The following PRSS12 variants were observed in gnomAD, a reference collection of about 807,000 sequenced individuals.
PRSS12 encodes neurotrypsin.
A neutral mutation model predicts 104.4 loss-of-function variants in PRSS12; 85 were observed. The ratio of observed to expected loss-of-function variants is 0.81; its 90% CI spans 0.68 to 0.98. The LOEUF (loss-of-function observed/expected upper bound fraction) is 0.98, where lower values mean the gene tolerates loss of function less well. Ranked by LOEUF, PRSS12 falls within the 50% of genes least tolerant of loss-of-function variation. The pLI is 0.00. For synonymous variants in PRSS12, 454 were observed against 425.2 expected (o/e 1.07, Z -0.83); for missense variants, 1,141 against 1,139.2 (o/e 1.00, Z -0.02).
chr4:118,339,161 T>C (rs139555408), intron 1 of PRSS12, among the ~76,000 whole-genome samples: 77 of 152,232 alleles, frequency 5.1e-4, no homozygotes, highest in African/African-American at 1.3e-3. Context: ...CCTCTTCTCA[T>C]TGGGACTGGT....
chr4:118,343,600 T>A (rs1453857026), intron 1 of PRSS12, among the ~76,000 whole-genome samples: 1 of 151,996 alleles, frequency 6.6e-6, no homozygotes, highest in Non-Finnish European at 1.5e-5. Context: ...CTACAAAAAA[T>A]TTTAAAATTA....
At chr4:118,315,602 C>T (rs1156474637) in intron 6 of PRSS12, among the ~76,000 whole-genome samples, 4 of 152,138 alleles carry the variant, frequency 2.6e-5, no homozygotes, top group African/African-American at 4.8e-5. Context: ...GCAGTTACTT[C>T]GACCAACTTA....
chr4:118,332,371 C>T (rs1578932865), intron 3 of PRSS12, among the ~76,000 whole-genome samples: 1 of 152,252 alleles, frequency 6.6e-6, no homozygotes, highest in Non-Finnish European at 1.5e-5. Flanking sequence ...GACATCATGG[C>T]CAGTACCTCA....
intron 1 of PRSS12, among the ~76,000 whole-genome samples, chr4:118,345,059 T>C (rs1346431983): frequency 6.6e-6 from 1 of 152,088 alleles, no homozygotes; most frequent in East Asian, 1.9e-4. Flanking sequence ...ACCCAGAAAA[T>C]GGCTGTCCTC....
intron 11 of PRSS12, among the ~76,000 whole-genome samples, chr4:118,286,555 T>C (rs1302233139): frequency 6.6e-6 from 1 of 152,204 alleles, no homozygotes; most frequent in Non-Finnish European, 1.5e-5. Flanking sequence ...TAAAGGCTTT[T>C]CAAGGGCAAG....
chr4:118,294,058 G>A (rs1217128667), intron 11 of PRSS12, among the ~76,000 whole-genome samples: 4 of 152,146 alleles, frequency 2.6e-5, no homozygotes, highest in East Asian at 1.9e-4. Context: ...TGGATGGATC[G>A]TAAGTACATA....
chr4:118,285,501 T>C (rs1439233739), intron 11 of PRSS12, among the ~76,000 whole-genome samples: 4 of 152,202 alleles, frequency 2.6e-5, no homozygotes, highest in African/African-American at 9.6e-5. Flanking sequence ...GCTGAAATGT[T>C]GCATTTATCT....
chr4:118,295,261 T>A (rs1446101575), intron 10 of PRSS12, among the ~76,000 whole-genome samples, 200 bp from the exon 11 acceptor site: 1 of 152,216 alleles, frequency 6.6e-6, no homozygotes, highest in Non-Finnish European at 1.5e-5. Flanking sequence ...TCAGCAACTC[T>A]AAAGATTTGC....
chr4:118,330,723 T>G (rs181303982), intron 4 of PRSS12, among the ~76,000 whole-genome samples: 92 of 152,358 alleles, frequency 6.0e-4, no homozygotes, highest in African/African-American at 2.1e-3. Flanking sequence ...ATAATTTGGC[T>G]ACATAGAACA....
intron 8 of PRSS12, 87 bp from the exon 9 acceptor site, chr4:118,299,025 A>G: frequency 7.1e-7 from 1 of 1,407,214 alleles, no homozygotes; most frequent in Non-Finnish European, 9.8e-7. Context: ...TTTATTCCTT[A>G]ATTTTTACAT....
chr4:118,296,702 C>T (rs1040179310), intron 9 of PRSS12, among the ~76,000 whole-genome samples: 1 of 151,692 alleles, frequency 6.6e-6, no homozygotes, highest in Non-Finnish European at 1.5e-5. Flanking sequence ...CCCATAATAA[C>T]CAGGTAGAAG....
intron 4 of PRSS12, among the ~76,000 whole-genome samples, chr4:118,326,309 G>A (rs1218834340): frequency 6.6e-6 from 1 of 152,178 alleles, no homozygotes; most frequent in Non-Finnish European, 1.5e-5. Context: ...TGTTTGATGT[G>A]TATCAAATGC....
intron 11 of PRSS12, among the ~76,000 whole-genome samples, chr4:118,288,996 A>G (rs531983430): frequency 5.9e-5 from 9 of 152,324 alleles, no homozygotes; most frequent in African/African-American, 2.2e-4. Context: ...GCTATGAGGG[A>G]ATAAGAGTTG....
At chr4:118,332,020 A>G (rs1723935368) in intron 3 of PRSS12, among the ~76,000 whole-genome samples, 154 bp from the exon 4 acceptor site, 1 of 152,242 alleles carries the variant, frequency 6.6e-6, no homozygotes, top group African/African-American at 2.4e-5. Flanking sequence ...TATCTAATAT[A>G]TTATGGTAAT....
intron 8 of PRSS12, among the ~76,000 whole-genome samples, chr4:118,304,152 G>C (rs1163456431): frequency 6.6e-6 from 1 of 151,520 alleles, no homozygotes; most frequent in East Asian, 1.9e-4. Context: ...CTGTATATAT[G>C]CATACATGTG....
chr4:118,318,375 T>C lies in PRSS12; in HGVS notation c.1150+3A>G, dbSNP rs777859462. On this transcript the variant is annotated splice_donor_region_variant and intron_variant, in intron 5 of 12. Transcript: ENST00000296498. Reference sequence around the variant, plus strand: ...TGGTACACTAATGGAGTGAAATCCTTACCTGTTAGAGGGGTACAGGACACT... The same window carrying C: ...TGGTACACTAATGGAGTGAAATCCTCACCTGTTAGAGGGGTACAGGACACT... 17 of 1,613,790 alleles carry C rather than the reference T, an allele frequency of 1.1e-5. No homozygotes were observed. Among genetic ancestry groups the C allele is most frequent in the Non-Finnish European group, 1.4e-5 (17 of 1,179,764 alleles).
intron 3 of PRSS12, among the ~76,000 whole-genome samples, chr4:118,332,694 C>T (rs1187320441): frequency 6.6e-6 from 1 of 152,100 alleles, no homozygotes; most frequent in African/African-American, 2.4e-5. Context: ...TCCTTTACAC[C>T]TATGTATTTC....
At chr4:118,325,323 TAAA>T (rs756487567) in intron 4 of PRSS12, among the ~76,000 whole-genome samples, 3 of 132,738 alleles carry the variant, frequency 2.3e-5, no homozygotes, top group Non-Finnish European at 4.9e-5. Flanking sequence ...AGCTGAAAAT[TAAA>T]AAAAAAAAAA....
intron 4 of PRSS12, among the ~76,000 whole-genome samples, chr4:118,329,496 C>A (rs1366955453): frequency 6.6e-6 from 1 of 151,976 alleles, no homozygotes; most frequent in Non-Finnish European, 1.5e-5. Flanking sequence ...AACTGATAAC[C>A]CAGTGAATAC....
Sources: gnomAD v4.1 joint callset for allele counts (sites outside exome capture counted in the v4.1 genomes callset) on GRCh38, gnomAD v4.1.1 for gene constraint, MANE v1.5 for transcripts, NCBI Gene and HGNC (gene_info 2026-07-23, HGNC 2026-07-21) for gene names.